MAMDC2: variants seen among roughly 807,000 people sequenced by gnomAD.
MAMDC2 encodes the protein MAM domain-containing protein 2.
A neutral mutation model predicts 89.8 loss-of-function variants in MAMDC2; 57 were observed. The ratio of observed to expected loss-of-function variants is 0.63; its 90% CI spans 0.51 to 0.79. The LOEUF is 0.79. MAMDC2 is among the 30% of genes least tolerant of loss of function. MAMDC2 has a pLI of 0.00. For missense variants in MAMDC2, 800 were observed against 820.6 expected (o/e 0.97, Z 0.31); for synonymous variants, 313 against 293.4 (o/e 1.07, Z -0.68).
At chr9:70,190,982 T>G (rs762076260) in intron 11 of MAMDC2, among the ~76,000 whole-genome samples, 17 of 152,288 alleles carry the variant, frequency 1.1e-4, no homozygotes, top group Non-Finnish European at 2.2e-4. Flanking sequence ...TTAAAACAGA[T>G]AGTTATAAAG....
chr9:70,193,395 G>A (rs1014294853), intron 11 of MAMDC2, among the ~76,000 whole-genome samples: 31 of 152,006 alleles, frequency 2.0e-4, no homozygotes, highest in African/African-American at 5.8e-4. Flanking sequence ...GGCAGCATAC[G>A]CATTTAAAAT....
intron 9 of MAMDC2, 116 bp from the exon 10 acceptor site, chr9:70,168,586 G>A (rs1328967679): frequency 2.8e-6 from 2 of 702,612 alleles, no homozygotes; most frequent in Non-Finnish European, 2.5e-6. Flanking sequence ...TACGGACGCT[G>A]AAGAGCTGCT....
Position 70,044,754 on chromosome 9 carries a change from T to C in MAMDC2, c.148+57T>C, listed in dbSNP as rs577865414. The C allele has an allele frequency of 2.4e-6, 3 of 1,262,192 alleles. No individual in the cohort carries two copies. In the South Asian group the frequency reaches 3.8e-5, roughly 16 times the overall value. 78.2% of individuals were successfully genotyped at this position (1,262,192 alleles called of 1,614,324 possible). On this transcript the variant is annotated intron_variant, in intron 2 of 13. Transcript: ENST00000377182. ...TGAACTTTCTTCCTTGATGGCTTGC[T>C]TTTTTTTCCCACATGGGTAATGTTA...
intron 11 of MAMDC2, among the ~76,000 whole-genome samples, chr9:70,209,986 T>G (rs1032544434): frequency 1.3e-5 from 2 of 152,258 alleles, no homozygotes; most frequent in Non-Finnish European, 2.9e-5. Flanking sequence ...TTGACTGCAC[T>G]GTGGTCTGAG....
chr9:70,046,004 T>C (rs564549302), intron 2 of MAMDC2, among the ~76,000 whole-genome samples: 9 of 152,226 alleles, frequency 5.9e-5, no homozygotes, highest in Non-Finnish European at 1.2e-4. Flanking sequence ...GGAAAGTCTC[T>C]GTAATCTTGC....
chr9:70,197,958 C>T (rs925665105), intron 11 of MAMDC2, among the ~76,000 whole-genome samples: 5 of 152,076 alleles, frequency 3.3e-5, no homozygotes, highest in South Asian at 2.1e-4. Flanking sequence ...TATTATCTCA[C>T]GTCAGCACAA....
chr9:70,172,662 T>A (rs765243963), intron 11 of MAMDC2: 1 of 152,702 alleles, frequency 6.5e-6, no homozygotes, highest in South Asian at 2.1e-4. Flanking sequence ...TTGGCCTCAA[T>A]AGTGATGCAC....
At chr9:70,210,289 TA>T (rs2033324945) in intron 11 of MAMDC2, among the ~76,000 whole-genome samples, 1 of 7,150 alleles carries the variant, frequency 1.4e-4, no homozygotes, top group African/African-American at 4.2e-4. Context: ...TGTAGGTCTC[TA>T]AGGACTTGCT....
chr9:70,205,354 C>T lies in MAMDC2; in HGVS notation c.1652-12983C>T, dbSNP rs111599704. Among the ~76,000 whole-genome samples the T allele has an allele frequency of 2.3e-3, 357 of 152,254 alleles. 2 individuals are homozygous for T. The highest frequency in any genetic ancestry group is 8.3e-3 in the African/African-American group (343 of 41,522). Reference sequence around the variant, plus strand: ...CATTTATGACAGCCTTTTAAAATCACTTAAAAGTATAGTAAAGAGAAATTT... The same window carrying T: ...CATTTATGACAGCCTTTTAAAATCATTTAAAAGTATAGTAAAGAGAAATTT... On this transcript the variant is annotated intron_variant, in intron 11 of 13. Coordinates refer to ENST00000377182, the MANE Select transcript of MAMDC2 (RefSeq NM_153267.5).
intron 2 of MAMDC2, among the ~76,000 whole-genome samples, chr9:70,053,318 A>G (rs200133340): frequency 1.3e-5 from 2 of 152,234 alleles, no homozygotes; most frequent in African/African-American, 4.8e-5. Context: ...AAGTGGTATC[A>G]TTACCATAAT....
At chr9:70,108,999 G>A (rs555218825) in intron 3 of MAMDC2, among the ~76,000 whole-genome samples, 1 of 152,208 alleles carries the variant, frequency 6.6e-6, no homozygotes, top group Non-Finnish European at 1.5e-5. Context: ...GGAAGGTAGC[G>A]AATGTAAGGT....
chr9:70,131,398 C>T, intron 6 of MAMDC2, 121 bp from the exon 7 acceptor site: 1 of 659,434 alleles, frequency 1.5e-6, no homozygotes, highest in South Asian at 2.0e-5. Flanking sequence ...AATCTGATTC[C>T]ATGAGTCCTT....
intron 2 of MAMDC2, among the ~76,000 whole-genome samples, chr9:70,046,246 A>G (rs957419936): frequency 1.3e-5 from 2 of 152,186 alleles, no homozygotes; most frequent in Non-Finnish European, 2.9e-5. Context: ...GATGCTGATG[A>G]TGCTGGTCTC....
At chr9:70,084,801 G>A (rs1186234098) in intron 2 of MAMDC2, among the ~76,000 whole-genome samples, 1 of 152,078 alleles carries the variant, frequency 6.6e-6, no homozygotes, top group Non-Finnish European at 1.5e-5. Context: ...CTCTACCAGT[G>A]AGGAGTCAGC....
chr9:70,202,409 G>C (rs1357425577), intron 11 of MAMDC2, among the ~76,000 whole-genome samples: 1 of 151,940 alleles, frequency 6.6e-6, no homozygotes, highest in African/African-American at 2.4e-5. Context: ...TTGCACTGTG[G>C]TCTGAGAGAT....
intron 2 of MAMDC2, among the ~76,000 whole-genome samples, chr9:70,077,242 G>C (rs1340153563): frequency 1.3e-5 from 2 of 152,200 alleles, no homozygotes; most frequent in Admixed American, 1.3e-4. Flanking sequence ...AAAGAATGAA[G>C]GAGTAGCTGA....
At chr9:70,179,440 C>A (rs1012004402) in intron 11 of MAMDC2, among the ~76,000 whole-genome samples, 1 of 151,362 alleles carries the variant, frequency 6.6e-6, no homozygotes, top group Non-Finnish European at 1.5e-5. Flanking sequence ...AGGAGAATGG[C>A]GTGAACCCGG....
At chr9:70,198,577 T>A (rs181951109) in intron 11 of MAMDC2, among the ~76,000 whole-genome samples, 1 of 152,170 alleles carries the variant, frequency 6.6e-6, no homozygotes, top group African/African-American at 2.4e-5. Flanking sequence ...AGTGAATAGA[T>A]TAAAAGTCAT....
chr9:70,211,039 C>A (rs181470989), intron 11 of MAMDC2, among the ~76,000 whole-genome samples: 30 of 152,322 alleles, frequency 2.0e-4, no homozygotes, highest in Middle Eastern at 3.4e-3. Flanking sequence ...GTAACCTGAC[C>A]TTTCTGGCTG....
Sources: gnomAD v4.1 joint callset for allele counts (sites outside exome capture counted in the v4.1 genomes callset) on GRCh38, gnomAD v4.1.1 for gene constraint, MANE v1.5 for transcripts, NCBI Gene and HGNC (gene_info 2026-07-23, HGNC 2026-07-21) for gene names.